TNS1: variants seen among roughly 807,000 people sequenced by gnomAD.
The protein encoded by TNS1 is tensin-1.
In TNS1, 62 loss-of-function variants were observed where a neutral mutation model predicts 168.6. The observed-to-expected ratio is 0.37, with a 90% CI of 0.30 to 0.45. TNS1 has a LOEUF of 0.45. Among genes scored for constraint, TNS1 ranks in the 20% least tolerant of loss-of-function variants. The pLI is 1.00. For synonymous variants in TNS1, 934 were observed against 933.2 expected, an observed-to-expected ratio of 1.00 and a Z score of -0.02; for missense variants, 2,240 against 2,339.4, an observed-to-expected ratio of 0.96 and a Z score of 0.88.
chr2:217,914,575 G>A (rs12623944), intron 4 of TNS1, among the ~76,000 whole-genome samples: 2,658 of 152,242 alleles, frequency 0.017, 51 homozygotes, highest in Admixed American at 0.06. Flanking sequence ...GCAGTGGTGC[G>A]ATCTCAGCTC....
chr2:217,896,134 A>T (rs1232470871), intron 8 of TNS1, among the ~76,000 whole-genome samples: 1 of 152,256 alleles, frequency 6.6e-6, no homozygotes, highest in Non-Finnish European at 1.5e-5. Context: ...CACAGAAGCT[A>T]GGGCTTAGTG....
chr2:217,886,301 C>T (rs982960107), intron 13 of TNS1, among the ~76,000 whole-genome samples, 197 bp from the exon 14 acceptor site: 3 of 152,250 alleles, frequency 2.0e-5, no homozygotes, highest in African/African-American at 7.2e-5. Flanking sequence ...ACTTGTAAGG[C>T]AAATTAAATT....
At chr2:217,974,507 G>A (rs1957846884) in intron 3 of TNS1, among the ~76,000 whole-genome samples, 1 of 152,084 alleles carries the variant, frequency 6.6e-6, no homozygotes, top group Non-Finnish European at 1.5e-5. Context: ...GGAAGCTGGG[G>A]TGGAACCTAG....
intron 4 of TNS1, among the ~76,000 whole-genome samples, chr2:217,907,507 G>T (rs757297738): frequency 1.3e-5 from 2 of 152,218 alleles, no homozygotes; most frequent in Non-Finnish European, 2.9e-5. Context: ...AGTGCCCGGC[G>T]CCAGGCCTCT....
rs1347992348 is a variant in TNS1, at chr2:217,821,888, G to A, written c.3424C>T (p.Arg1142Ter). The A allele has an allele frequency of 1.9e-6, 3 of 1,589,588 alleles. No individual in the cohort carries two copies. The highest frequency in any genetic ancestry group is 1.7e-6 in the Non-Finnish European group (2 of 1,168,802). Residue 1142 changes from arginine (R) to a stop codon, truncating the protein, a stop_gained, in exon 23 of 33, where the codon CGA (arginine) becomes TGA (stop). Transcript: ENST00000682258. LOFTEE classifies it high-confidence loss of function. The stretch of plus-strand genomic sequence containing the variant: ...CTCTTGGGCTCAGAGTCCTGAGCTC[G>A]GGGTCCAGCCACCGCTGTCCGTGCC... Reference protein sequence around the residue: ...SVARTAVAGPRAQDSEPKSFS... With the variant: ...SVARTAVAGP
At chr2:217,893,364 A>T (rs566290657) in intron 10 of TNS1, 75 bp downstream of exon 10, 1 of 1,506,998 alleles carries the variant, frequency 6.6e-7, no homozygotes, top group Non-Finnish European at 8.9e-7. Flanking sequence ...CCAAGGACAC[A>T]TTCAGGCACA....
At chr2:217,987,964 T>C (rs1056672596) in intron 2 of TNS1, among the ~76,000 whole-genome samples, 2 of 152,106 alleles carry the variant, frequency 1.3e-5, no homozygotes, top group Non-Finnish European at 2.9e-5. Context: ...CACTCCTGCA[T>C]CTCCCACCAG....
intron 3 of TNS1, 86 bp from the exon 4 acceptor site, chr2:217,920,322 C>T (rs188221054): frequency 4.3e-6 from 3 of 698,898 alleles, no homozygotes; most frequent in African/African-American, 1.7e-5. Flanking sequence ...CACACCTCCC[C>T]CTGCTTCATT....
At chr2:217,837,418 T>A (rs571465111) in intron 19 of TNS1, among the ~76,000 whole-genome samples, 1 of 152,316 alleles carries the variant, frequency 6.6e-6, no homozygotes, top group African/African-American at 2.4e-5. Flanking sequence ...CTACTTGTCA[T>A]GAACAGCAGG....
intron 1 of TNS1, among the ~76,000 whole-genome samples, chr2:217,998,595 G>A (rs1439143317): frequency 6.6e-6 from 1 of 152,162 alleles, no homozygotes; most frequent in African/African-American, 2.4e-5. Flanking sequence ...TGACCTCCAG[G>A]GCTCAAGTGA....
chr2:218,019,494 C>A (rs999199718), intron 1 of TNS1, among the ~76,000 whole-genome samples: 6 of 152,130 alleles, frequency 3.9e-5, no homozygotes, highest in Admixed American at 2.0e-4. Context: ...CTGGAAAAAA[C>A]CCCTCTTTCC....
intron 17 of TNS1, 145 bp from the exon 18 acceptor site, chr2:217,881,159 C>T (rs746672481): frequency 3.8e-5 from 24 of 623,716 alleles, no homozygotes; most frequent in South Asian, 9.7e-5. Context: ...GCGTGGTGGG[C>T]GGGACCAGTG....
chr2:217,900,416 C>A (rs1207316675), intron 7 of TNS1, 47 bp downstream of exon 7: 10 of 1,526,276 alleles, frequency 6.6e-6, no homozygotes, highest in South Asian at 3.6e-5. Flanking sequence ...CCCACAGTGA[C>A]CCCCCTGCTT....
At chr2:217,999,721 G>A (rs1958529541) in intron 1 of TNS1, among the ~76,000 whole-genome samples, 1 of 152,254 alleles carries the variant, frequency 6.6e-6, no homozygotes, top group African/African-American at 2.4e-5. Context: ...CCGGAATTGT[G>A]CACAAGGAAT....
upstream of TNS1, chr2:218,003,060 C>CCCCTCCTCTCTCCT: frequency 7.5e-6 from 3 of 401,400 alleles, no homozygotes; most frequent in South Asian, 3.6e-5. Context: ...CCCCACTCCA[C>CCCCTCCTCTCTCCT]CCCTCGTCCC....
chr2:217,885,143 A>G lies in TNS1; in HGVS notation c.1138T>C (p.Phe380Leu). 1.2e-6 allele frequency: 2 copies of G among 1,614,202 alleles called. No homozygotes were observed. Among genetic ancestry groups the G allele is most frequent in the Non-Finnish European group, 1.7e-6 (2 of 1,180,028 alleles). ...DILLKCYHKK[F>L]RSPARDVIFR... ...ATGACGTCTCGGGCTGGGCTTCGGA[A>G]CTTCTTGTGGTAGCACTTCAGCTGG... is the stretch of plus-strand genomic sequence containing the variant. The change falls in exon 16 of 33, where the codon TTC (phenylalanine) becomes CTC (leucine). Residue 380 changes from phenylalanine (F) to leucine (L), a missense_variant. Physicochemically the swap from Phe to Leu is conservative, Grantham distance 22. Transcript: ENST00000682258.
At chr2:217,859,649 G>A in intron 18 of TNS1, 1 of 1,536,394 alleles carries the variant, frequency 6.5e-7, no homozygotes, top group Non-Finnish European at 8.7e-7. Flanking sequence ...GATCCTCCAG[G>A]CCACCTGAGA....
intron 21 of TNS1, among the ~76,000 whole-genome samples, chr2:217,832,743 A>G (rs1326487094): frequency 2.0e-5 from 3 of 152,230 alleles, no homozygotes; most frequent in African/African-American, 7.2e-5. Flanking sequence ...TGCACGTGGG[A>G]ACAGGAAGAT....
chr2:217,968,025 G>A (rs955038900), intron 3 of TNS1, among the ~76,000 whole-genome samples: 5 of 152,076 alleles, frequency 3.3e-5, no homozygotes, highest in African/African-American at 1.2e-4. Context: ...GTATTATACT[G>A]TATCAATAGA....
Sources: gnomAD v4.1 joint callset for allele counts (sites outside exome capture counted in the v4.1 genomes callset) on GRCh38, gnomAD v4.1.1 for gene constraint, MANE v1.5 for transcripts, NCBI Gene and HGNC (gene_info 2026-07-23, HGNC 2026-07-21) for gene names.